The following PTPRD variants were observed in gnomAD, a reference collection of about 807,000 sequenced individuals.
PTPRD encodes the protein protein tyrosine phosphatase receptor type D.
Under a neutral mutation model 214.5 loss-of-function variants are expected in PTPRD, and 34 were observed. That is an observed-to-expected ratio of 0.16 (90% CI 0.12 to 0.21). The LOEUF (loss-of-function observed/expected upper bound fraction) is 0.21, where lower values mean the gene tolerates loss of function less well. PTPRD is among the 10% of genes least tolerant of loss of function. The pLI is 1.00. For missense variants in PTPRD, 2,545 were observed against 2,398.7 expected, an observed-to-expected ratio of 1.06 and a Z score of -1.27; for synonymous variants, 1,128 against 845.7, an observed-to-expected ratio of 1.33 and a Z score of -5.79.
At chr9:8,949,299 G>A (rs1077882) in intron 11 of PTPRD, among the ~76,000 whole-genome samples, 8 of 151,458 alleles carry the variant, frequency 5.3e-5, no homozygotes, top group African/African-American at 1.9e-4. Flanking sequence ...CATGTGAAGA[G>A]TGGTAGAAAT....
chr9:8,820,879 C>T (rs571790353), intron 11 of PTPRD, among the ~76,000 whole-genome samples: 52 of 152,274 alleles, frequency 3.4e-4, no homozygotes, highest in African/African-American at 1.2e-3. Flanking sequence ...CCCTACACGA[C>T]AAGTCAAGGA....
chr9:9,820,227 C>T (rs2050231103), intron 5 of PTPRD, among the ~76,000 whole-genome samples: 1 of 152,108 alleles, frequency 6.6e-6, no homozygotes, highest in Admixed American at 6.5e-5. Context: ...TTGCAGTTCT[C>T]TGATGATCAG....
rs187674251 is a variant in PTPRD at position 9,414,557 on chromosome 9, A to G, written c.-236-17075T>C. Among the ~76,000 whole-genome samples the G allele has an allele frequency of 3.2e-4, 48 of 152,336 alleles. 2 individuals carry two copies. The East Asian group carries it at 8.3e-3, about 26-fold the overall frequency. On this transcript the variant is annotated intron_variant, in intron 8 of 45. Coordinates refer to ENST00000381196, the MANE Select transcript of PTPRD (RefSeq NM_002839.4). ...GGGATAATAATCAGCTCTATTCAAC[A>G]TGGTGAGTGTTGGTTTTTAATTAAA...
intron 8 of PTPRD, among the ~76,000 whole-genome samples, chr9:9,485,052 T>C (rs1327469551): frequency 2.0e-5 from 3 of 152,330 alleles, no homozygotes; most frequent in African/African-American, 7.2e-5. Flanking sequence ...CCAAAGTGCA[T>C]TCAAGATAAG....
At chr9:8,998,436 T>C (rs1346747577) in intron 11 of PTPRD, among the ~76,000 whole-genome samples, 4 of 152,132 alleles carry the variant, frequency 2.6e-5, no homozygotes, top group Non-Finnish European at 5.9e-5. Context: ...GCACATCTGT[T>C]TAGCAGCATG....
At chr9:8,599,087 T>C (rs750774410) in intron 14 of PTPRD, among the ~76,000 whole-genome samples, 28 of 152,178 alleles carry the variant, frequency 1.8e-4, no homozygotes, top group Non-Finnish European at 2.6e-4. Context: ...CAAGCTGTTC[T>C]CATGAGACTT....
chr9:9,250,563 T>A (rs528326169), intron 9 of PTPRD, among the ~76,000 whole-genome samples: 1 of 152,160 alleles, frequency 6.6e-6, no homozygotes, highest in South Asian at 2.1e-4. Context: ...AAACAGCAGG[T>A]AAAGGTGATT....
intron 35 of PTPRD, among the ~76,000 whole-genome samples, chr9:8,406,527 G>T (rs957346991): frequency 2.0e-5 from 3 of 152,178 alleles, no homozygotes; most frequent in African/African-American, 7.2e-5. Context: ...GGCTCTGTGT[G>T]ACCTACAGCC....
intron 21 of PTPRD, among the ~76,000 whole-genome samples, chr9:8,507,658 T>C (rs1015856679): frequency 6.6e-6 from 1 of 152,308 alleles, no homozygotes; most frequent in Non-Finnish European, 1.5e-5. Context: ...CAAGATATAG[T>C]AGAACTAATA....
At chr9:9,046,979 T>A (rs2099673804) in intron 10 of PTPRD, among the ~76,000 whole-genome samples, 1 of 152,084 alleles carries the variant, frequency 6.6e-6, no homozygotes, top group African/African-American at 2.4e-5. Flanking sequence ...AGTCAAATAA[T>A]CCTTGCTTGC....
intron 10 of PTPRD, among the ~76,000 whole-genome samples, chr9:9,074,363 G>T (rs1021766233): frequency 6.6e-6 from 1 of 152,048 alleles, no homozygotes; most frequent in Non-Finnish European, 1.5e-5. Flanking sequence ...TAATGAAAAT[G>T]CTTTAGGATT....
At chr9:8,632,532 G>C (rs1484377622) in intron 14 of PTPRD, among the ~76,000 whole-genome samples, 1 of 151,892 alleles carries the variant, frequency 6.6e-6, no homozygotes, top group South Asian at 2.1e-4. Context: ...GCACAGAATA[G>C]TTAATCTGGA....
chr9:8,401,743 C>T (rs558522860), intron 36 of PTPRD, among the ~76,000 whole-genome samples: 6 of 152,144 alleles, frequency 3.9e-5, no homozygotes, highest in South Asian at 2.1e-4. Context: ...TCAATCACTG[C>T]GGCCACTTCC....
intron 10 of PTPRD, among the ~76,000 whole-genome samples, chr9:9,092,450 C>T (rs1051411972): frequency 6.6e-6 from 1 of 151,996 alleles, no homozygotes; most frequent in Non-Finnish European, 1.5e-5. Context: ...TGAGGAACAG[C>T]TACTATATTA....
At chr9:10,179,766 G>A (rs1026098228) in intron 3 of PTPRD, among the ~76,000 whole-genome samples, 1 of 151,978 alleles carries the variant, frequency 6.6e-6, no homozygotes, top group African/African-American at 2.4e-5. Context: ...CTTGCCCAGG[G>A]TTAGTATTCA....
At chr9:9,344,517 G>T (rs138417033) in intron 9 of PTPRD, among the ~76,000 whole-genome samples, 1 of 151,712 alleles carries the variant, frequency 6.6e-6, no homozygotes, top group African/African-American at 2.4e-5. Context: ...TAAAAAAAAA[G>T]AAAGCTAACT....
chr9:9,635,860 C>T (rs936074198), intron 7 of PTPRD, among the ~76,000 whole-genome samples: 2 of 152,118 alleles, frequency 1.3e-5, no homozygotes, highest in Non-Finnish European at 2.9e-5. Flanking sequence ...CTACCAACAC[C>T]TAAGTCAAAG....
intron 9 of PTPRD, among the ~76,000 whole-genome samples, chr9:9,313,699 T>C (rs1431768785): frequency 6.6e-6 from 1 of 152,158 alleles, no homozygotes; most frequent in South Asian, 2.1e-4. Context: ...GGTGTTTACA[T>C]TATATCTCCG....
chr9:8,399,022 A>G (rs2091858782), intron 36 of PTPRD, among the ~76,000 whole-genome samples: 1 of 152,110 alleles, frequency 6.6e-6, no homozygotes, highest in Non-Finnish European at 1.5e-5. Flanking sequence ...CCTCTCATGG[A>G]TAAAACCATT....
Sources: allele counts gnomAD v4.1 joint callset (sites outside exome capture counted in the v4.1 genomes callset), GRCh38; gene constraint gnomAD v4.1.1; transcripts MANE v1.5; gene names NCBI Gene and HGNC (gene_info 2026-07-23, HGNC 2026-07-21).